Variants in TMEM178B observed in about 807,000 individuals in gnomAD.
TMEM178B encodes transmembrane protein 178B.
In TMEM178B, 5 loss-of-function variants were observed where a neutral mutation model predicts 31.0. The observed-to-expected ratio is 0.16, with a 90% confidence interval of 0.08 to 0.34. The LOEUF is 0.34. Among genes scored for constraint, TMEM178B ranks in the 10% least tolerant of loss-of-function variants. TMEM178B has a pLI of 1.00. For missense variants in TMEM178B, 275 were observed against 400.3 expected (o/e 0.69, Z 2.67); for synonymous variants, 164 against 164.0 (o/e 1.00, Z 0.00).
chr7:141,090,493 C>T (rs1448030964), intron 1 of TMEM178B, among the ~76,000 whole-genome samples: 2 of 152,212 alleles, frequency 1.3e-5, no homozygotes, highest in Non-Finnish European at 1.5e-5. Context: ...GAGCAGCCTC[C>T]TCATATCTCC....
intron 1 of TMEM178B, among the ~76,000 whole-genome samples, chr7:141,127,553 A>T (rs1177579797): frequency 6.6e-6 from 1 of 152,154 alleles, no homozygotes; most frequent in African/African-American, 2.4e-5. Flanking sequence ...AGCACCAAAG[A>T]TACTGGAGGA....
In TMEM178B at chr7:141,074,399, A is replaced by G. The variant is rs1794561394; in HGVS notation, c.89A>G (p.His30Arg). The G allele has an allele frequency of 6.5e-7, 1 of 1,535,968 alleles. No homozygotes were observed. The highest frequency in any genetic ancestry group is 8.7e-7 in the Non-Finnish European group (1 of 1,146,860). ...GMLAVAICSD[H>R]WYETDARKHR... ...CTGGCCGTGGCCATCTGCTCGGACC[A>G]CTGGTACGAGACGGACGCCAGGAAG... The change falls in exon 1 of 4, where the codon CAC becomes CGC. Residue 30 changes from histidine to arginine, a missense_variant. Physicochemically the swap from His to Arg is conservative, Grantham distance 29 (BLOSUM62 0). Transcript: ENST00000565468. This position sits in a 1 kb window ranked among gnomAD's most constrained non-coding sequence, Gnocchi z 5.1.
At position 141,267,728 on chromosome 7, in the gene TMEM178B, T is replaced by A. The variant is rs566107307; in HGVS notation, c.496+55024T>A. On this transcript the variant is annotated intron_variant, in intron 2 of 3. Transcript: ENST00000565468. The stretch of plus-strand genomic sequence containing the variant: ...TTTCTTGCTTCAGCACTTGGGACAT[T>A]TTTATATTTAATTTATGATATATCC... Among the ~76,000 whole-genome samples the A allele has an allele frequency of 1.1e-4, 16 of 152,348 alleles. No homozygotes were observed. In the South Asian group the frequency reaches 3.1e-3, roughly 30 times the overall value.
intron 1 of TMEM178B, among the ~76,000 whole-genome samples, chr7:141,077,572 C>T (rs758944129): frequency 6.6e-6 from 1 of 152,152 alleles, no homozygotes; most frequent in Non-Finnish European, 1.5e-5. Flanking sequence ...CCATGCTGTA[C>T]CCACACGTAT....
intron 2 of TMEM178B, among the ~76,000 whole-genome samples, chr7:141,426,995 A>T (rs1031998240): frequency 2.9e-4 from 44 of 152,300 alleles, no homozygotes; most frequent in African/African-American, 1.1e-3. Context: ...TTAGGAGTAA[A>T]TTTACCCAAA....
Position 141,285,056 on chromosome 7 carries a change from TA to T in TMEM178B, c.496+72367del, listed in dbSNP as rs144032381. Reference sequence around the variant, plus strand: ...CTGAAAAGTGTATGTGAAAGCTCTTTAAAAAAAAAAAAAAACTACATACGTT... The same window carrying T: ...CTGAAAAGTGTATGTGAAAGCTCTTTAAAAAAAAAAAAAACTACATACGTT... On this transcript the variant is annotated intron_variant, in intron 2 of 3. Coordinates refer to ENST00000565468, the MANE Select transcript of TMEM178B (RefSeq NM_001195278.2). 7.6e-3 allele frequency among the ~76,000 whole-genome samples: 1,040 copies of T among 136,266 alleles called. 9 individuals carry two copies. Among genetic ancestry groups the T allele is most frequent in the African/African-American group, 0.022 (834 of 37,352 alleles). 89.4% of individuals were successfully genotyped at this position (136,266 alleles called of 152,430 possible). A position where few individuals can be genotyped will look rare whatever the true frequency, so the allele number is the denominator to read the frequency against.
intron 3 of TMEM178B, among the ~76,000 whole-genome samples, chr7:141,463,029 C>T (rs1490489713): frequency 6.6e-6 from 1 of 152,170 alleles, no homozygotes; most frequent in African/African-American, 2.4e-5. Context: ...CACTGGAGCT[C>T]AGGGGTCTGC....
In TMEM178B at chr7:141,247,795, T is replaced by C. The variant is rs114617785; in HGVS notation, c.496+35091T>C. Among the ~76,000 whole-genome samples, 525 of 152,328 alleles carry C rather than the reference T, an allele frequency of 3.4e-3. 3 individuals are homozygous for C. Among genetic ancestry groups the C allele is most frequent in the African/African-American group, 0.012 (492 of 41,596 alleles). ...AAACAATGACCAAATTTTTTGTGTA[T>C]GTTCCAAGTATTTCCTAGGATATAC... On this transcript the variant is annotated intron_variant, in intron 2 of 3. Coordinates refer to ENST00000565468, the MANE Select transcript of TMEM178B (RefSeq NM_001195278.2).
At chr7:141,504,448 C>T in the TMEM178B span, among the ~76,000 whole-genome samples, 4 of 152,112 alleles carry the variant, frequency 2.6e-5, no homozygotes, top group Non-Finnish European at 4.4e-5. Flanking sequence ...CAAAAAAATA[C>T]GCAAATATGT....
rs144059996 is a variant in TMEM178B at position 141,459,324 on chromosome 7, G to A, written c.635-11212G>A. Among the ~76,000 whole-genome samples the A allele has an allele frequency of 5.1e-3, 780 of 152,250 alleles. 1 individual carries two copies. The highest frequency in any genetic ancestry group is 0.02 in the Middle Eastern group (6 of 294). ...ATTACAGGTGTGAGCCACCACGCCC[G>A]GCCAATGTTCATATTTTTAGTTATA... On this transcript the variant is annotated intron_variant, in intron 3 of 3. Coordinates refer to ENST00000565468, the MANE Select transcript of TMEM178B (RefSeq NM_001195278.2).
chr7:141,138,520 G>T (rs1238968678), intron 1 of TMEM178B, among the ~76,000 whole-genome samples: 1 of 152,076 alleles, frequency 6.6e-6, no homozygotes, highest in African/African-American at 2.4e-5. Context: ...TTCTGAGGGT[G>T]GGGGTGGAGG....
chr7:141,487,331 G>A, the TMEM178B span, among the ~76,000 whole-genome samples: 2 of 152,080 alleles, frequency 1.3e-5, no homozygotes, highest in African/African-American at 4.8e-5. Flanking sequence ...ATCTGGCACA[G>A]TAAAACCCAG....
chr7:141,251,947 C>T (rs780446975), intron 2 of TMEM178B, among the ~76,000 whole-genome samples: 1 of 152,142 alleles, frequency 6.6e-6, no homozygotes, highest in Non-Finnish European at 1.5e-5. Context: ...TTTCTTTTAT[C>T]ATTTAATTTT....
intron 1 of TMEM178B, among the ~76,000 whole-genome samples, chr7:141,095,094 G>A (rs1315850605): frequency 1.3e-5 from 2 of 152,222 alleles, no homozygotes; most frequent in East Asian, 1.9e-4. Context: ...TTTATAGGCA[G>A]CCACTTTGTA....
At chr7:141,224,825 G>A (rs1797314719) in intron 2 of TMEM178B, among the ~76,000 whole-genome samples, 1 of 152,208 alleles carries the variant, frequency 6.6e-6, no homozygotes, top group Admixed American at 6.5e-5. Flanking sequence ...TCGTCCTAGA[G>A]CGACCCTTCA....
intron 1 of TMEM178B, among the ~76,000 whole-genome samples, chr7:141,200,664 C>T (rs1796861357): frequency 6.6e-6 from 1 of 152,148 alleles, no homozygotes; most frequent in Non-Finnish European, 1.5e-5. Context: ...CCAAGCTGAC[C>T]TCATTCCCTT....
chr7:141,469,136 G>T (rs891254800), intron 3 of TMEM178B, among the ~76,000 whole-genome samples: 6 of 152,168 alleles, frequency 3.9e-5, no homozygotes, highest in African/African-American at 1.2e-4. Context: ...CTTCCAGCTT[G>T]CTTATCTATG....
At chr7:141,280,458 T>C (rs1295046650) in intron 2 of TMEM178B, among the ~76,000 whole-genome samples, 2 of 152,218 alleles carry the variant, frequency 1.3e-5, no homozygotes, top group African/African-American at 4.8e-5. Context: ...TTGATCATTC[T>C]ATAAGGGGAA....
At chr7:141,492,517 G>A in the TMEM178B span, among the ~76,000 whole-genome samples, 3 of 152,138 alleles carry the variant, frequency 2.0e-5, no homozygotes, top group African/African-American at 4.8e-5. Flanking sequence ...ACTGGCCTGC[G>A]AAATGTGTGT....
Sources: allele counts gnomAD v4.1 joint callset (sites outside exome capture counted in the v4.1 genomes callset), GRCh38; gene constraint gnomAD v4.1.1; non-coding constraint Gnocchi (gnomAD v3.1); transcripts MANE v1.5; gene names NCBI Gene and HGNC (gene_info 2026-07-23, HGNC 2026-07-21).